PHYHD1: variants seen among roughly 807,000 people sequenced by gnomAD.
PHYHD1 encodes phytanoyl-CoA dioxygenase domain-containing protein 1.
A neutral mutation model predicts 43.6 loss-of-function variants in PHYHD1; 42 were observed. The ratio of observed to expected loss-of-function variants is 0.96; its 90% CI spans 0.75 to 1.25. The LOEUF is 1.25. Among genes scored for constraint, PHYHD1 ranks in the 50% most tolerant of loss-of-function variants. PHYHD1 has a pLI of 0.00. For missense variants in PHYHD1, 342 were observed against 370.8 expected, an observed-to-expected ratio of 0.92 and a Z score of 0.64; for synonymous variants, 139 against 143.6, an observed-to-expected ratio of 0.97 and a Z score of 0.23.
At chr9:128,929,228 G>A (rs555324678) in intron 4 of PHYHD1, among the ~76,000 whole-genome samples, 1 of 152,148 alleles carries the variant, frequency 6.6e-6, no homozygotes, top group Admixed American at 6.6e-5. Context: ...CTACATGGGA[G>A]GCTGAGGCAG....
At position 128,940,417 on chromosome 9, in the gene PHYHD1, G is replaced by C. The variant is rs200845438; in HGVS notation, c.506G>C (p.Arg169Pro). The C allele has an allele frequency of 6.2e-7, 1 of 1,614,102 alleles. No individual in the cohort carries two copies. Among genetic ancestry groups the C allele is most frequent in the Non-Finnish European group, 8.5e-7 (1 of 1,180,052 alleles). Residue 169 changes from arginine to proline, a missense_variant, in exon 10 of 13, where the codon CGG becomes CCG. Physicochemically the swap from Arg to Pro is moderately radical, Grantham distance 103. Coordinates refer to ENST00000372592, the MANE Select transcript of PHYHD1 (RefSeq NM_001100876.2). ...TTCCTGTACACGGAGCCCCTGGGCC[G>C]GGTGCTGGGCGTGTGGATCGCAGTG... ...ASFLYTEPLG[R>P]VLGVWIAVED...
At chr9:128,935,147 G>T (rs1330535157) in intron 6 of PHYHD1, among the ~76,000 whole-genome samples, 1 of 152,018 alleles carries the variant, frequency 6.6e-6, no homozygotes, top group Non-Finnish European at 1.5e-5. Flanking sequence ...TTGAGAGGAG[G>T]TCTCGTTATG....
Position 128,941,797 on chromosome 9 carries a change from T to A in PHYHD1, c.*84T>A, listed in dbSNP as rs373087439. 3.1e-6 allele frequency: 5 copies of A among 1,587,322 alleles called. No individual in the cohort carries two copies. The highest frequency in any genetic ancestry group is 1.3e-5 in the African/African-American group (1 of 74,432). ...CCAGTGCCTTGCTCAGCCTCCTGGT[T>A]GCAACAGGGAGGTCTTGTCTCCCCT... On this transcript the variant is annotated 3_prime_UTR_variant, in exon 13 of 13. Transcript: ENST00000372592.
chr9:128,940,400 C>G lies in PHYHD1; in HGVS notation c.489C>G (p.Tyr163Ter). 6.2e-7 allele frequency: 1 copy of G among 1,614,208 alleles called. No individual in the cohort carries two copies. The change falls in exon 10 of 13, where the codon TAC (tyrosine) becomes TAG (stop). Residue 163 changes from tyrosine to a stop codon, truncating the protein, a stop_gained. Transcript: ENST00000372592. LOFTEE classifies it high-confidence loss of function. ...CTCATCAGGACGCCTCCTTCCTGTA[C>G]ACGGAGCCCCTGGGCCGGGTGCTGG... ...VSPHQDASFL[Y>*]TEPLGRVLGV...
At chr9:128,935,129 A>T (rs1841393181) in intron 6 of PHYHD1, among the ~76,000 whole-genome samples, 2 of 152,090 alleles carry the variant, frequency 1.3e-5, no homozygotes, top group Non-Finnish European at 1.5e-5. Context: ...TTATTTTTTT[A>T]AATAAAATTG....
At chr9:128,939,943 C>A (rs1314172901) in intron 9 of PHYHD1, among the ~76,000 whole-genome samples, 15 of 152,080 alleles carry the variant, frequency 9.9e-5, no homozygotes, top group Admixed American at 9.8e-4. Flanking sequence ...GTGTGAGCCA[C>A]CGCGCCAAGC....
chr9:128,923,414 C>G (rs960662187), intron 3 of PHYHD1, among the ~76,000 whole-genome samples: 1 of 152,198 alleles, frequency 6.6e-6, no homozygotes, highest in African/African-American at 2.4e-5. Context: ...CTGCTATCCC[C>G]GTTTGGTAGC....
chr9:128,937,813 T>C (rs953198050), intron 9 of PHYHD1, 35 bp downstream of exon 9: 3 of 1,613,822 alleles, frequency 1.9e-6, no homozygotes, highest in African/African-American at 1.3e-5. Context: ...GAAAAGGCCA[T>C]GGGTGGGACA....
At chr9:128,923,988 G>C (rs555065622) in intron 3 of PHYHD1, among the ~76,000 whole-genome samples, 2 of 152,198 alleles carry the variant, frequency 1.3e-5, no homozygotes, top group East Asian at 3.9e-4. Flanking sequence ...GCGTGGTGGC[G>C]CACACCTGTA....
intron 3 of PHYHD1, among the ~76,000 whole-genome samples, chr9:128,924,109 A>G (rs1408649788): frequency 6.6e-6 from 1 of 150,804 alleles, no homozygotes; most frequent in Non-Finnish European, 1.5e-5. Flanking sequence ...ACAGAACAAG[A>G]CTGCGTCTCA....
In PHYHD1 at chr9:128,941,664, G is replaced by A. The variant is rs1841566623; in HGVS notation, c.831-4G>A. The A allele has an allele frequency of 3.7e-6, 6 of 1,614,078 alleles. No homozygotes were observed. The highest frequency in any genetic ancestry group is 1.3e-5 in the African/African-American group (1 of 74,936). ...CAAGGTTGTTTCTCCTCTATCCTCT[G>A]CAGGCTCCAGCCAACAGCTGAACTG... On this transcript the variant is annotated splice_region_variant and splice_polypyrimidine_tract_variant and intron_variant, in intron 12 of 12. Coordinates refer to ENST00000372592, the MANE Select transcript of PHYHD1 (RefSeq NM_001100876.2).
chr9:128,925,540 G>A (rs1841112237), intron 3 of PHYHD1, among the ~76,000 whole-genome samples: 1 of 151,942 alleles, frequency 6.6e-6, no homozygotes, highest in African/African-American at 2.4e-5. Context: ...GTGACTTTCA[G>A]TGTCCCTGTT....
chr9:128,936,369 T>C (rs1290547507), intron 6 of PHYHD1, 79 bp from the exon 7 acceptor site: 1 of 1,538,880 alleles, frequency 6.5e-7, no homozygotes, highest in Non-Finnish European at 8.8e-7. Flanking sequence ...AAAGTAAGCC[T>C]GAGTGTGGGT....
At chr9:128,927,806 G>A (rs973952377) in intron 4 of PHYHD1, among the ~76,000 whole-genome samples, 1 of 152,212 alleles carries the variant, frequency 6.6e-6, no homozygotes, top group African/African-American at 2.4e-5. Context: ...TTTACTTTCT[G>A]TTTTCCGGCT....
At chr9:128,926,722 C>G (rs1216008349) in intron 3 of PHYHD1, 1 of 384,716 alleles carries the variant, frequency 2.6e-6, no homozygotes, top group African/African-American at 2.1e-5. Context: ...CCATGCCCAG[C>G]TAACCATGCC....
At chr9:128,926,134 C>T (rs1203409420) in intron 3 of PHYHD1, among the ~76,000 whole-genome samples, 1 of 152,240 alleles carries the variant, frequency 6.6e-6, no homozygotes, top group African/African-American at 2.4e-5. Flanking sequence ...ACAGTAGATG[C>T]TCAATCAATA....
intron 3 of PHYHD1, chr9:128,926,789 C>A (rs1294684258): frequency 3.6e-6 from 2 of 556,650 alleles, no homozygotes; most frequent in Non-Finnish European, 7.0e-6. Context: ...AAGTTATTGC[C>A]CGCCTCAGCC....
chr9:128,933,804 G>A lies in PHYHD1; in HGVS notation c.215G>A (p.Ser72Asn), dbSNP rs1249230596. The A allele has an allele frequency of 6.2e-7, 1 of 1,614,174 alleles. No homozygotes were observed. Among genetic ancestry groups the A allele is most frequent in the South Asian group, 1.1e-5 (1 of 91,088 alleles). Residue 72 changes from serine to asparagine, a missense_variant, in exon 5 of 13, where the codon AGC becomes AAC. Physicochemically the swap from Ser to Asn is conservative, Grantham distance 46. Coordinates refer to ENST00000372592, the MANE Select transcript of PHYHD1 (RefSeq NM_001100876.2). ...CAGGGCAGCACAGACTATTTCTTGA[G>A]CAGTGGTGACAAGATTCGATTCTTC... ...RAQGSTDYFL[S>N]SGDKIRFFFE...
intron 6 of PHYHD1, among the ~76,000 whole-genome samples, chr9:128,934,768 C>CA (rs71497426): frequency 0.093 from 10,605 of 114,552 alleles, 494 homozygotes; most frequent in South Asian, 0.2. Context: ...AACTCCGTCT[C>CA]AAAAAAAAAA....
Sources: gnomAD v4.1 joint callset for allele counts (sites outside exome capture counted in the v4.1 genomes callset) on GRCh38, gnomAD v4.1.1 for gene constraint, MANE v1.5 for transcripts, NCBI Gene and HGNC (gene_info 2026-07-23, HGNC 2026-07-21) for gene names.